The following PCDHGA8 variants were observed in gnomAD, a reference collection of about 807,000 sequenced individuals.
PCDHGA8 encodes protocadherin gamma subfamily A, 8, also known as protocadherin gamma-A8.
PCDHGA8 carries 45 observed loss-of-function variants against 59.2 expected under a neutral mutation model. That is an observed-to-expected ratio of 0.76 (90% CI 0.60 to 0.98). The LOEUF (loss-of-function observed/expected upper bound fraction) is 0.98. Among genes scored for constraint, PCDHGA8 ranks in the 50% least tolerant of loss-of-function variants. The pLI is 0.00. For synonymous variants in PCDHGA8, 531 were observed against 519.0 expected (o/e 1.02, Z -0.32); for missense variants, 1,257 against 1,196.2 (o/e 1.05, Z -0.75).
intron 1 of PCDHGA8, chr5:141,410,735 T>C: frequency 7.5e-7 from 1 of 1,336,188 alleles, no homozygotes; most frequent in Non-Finnish European, 1.0e-6. Context: ...CATAGCTTTT[T>C]ACAATATTTT....
chr5:141,421,357 T>A lies in PCDHGA8; in HGVS notation c.2424+26120T>A, dbSNP rs761522510. ...GGTGCCAGAAGAGACCGAAAAGGGC[T>A]CCTTCGTGGGCAATATCTCCAAGGA... On this transcript the variant is annotated intron_variant, in intron 1 of 3. Coordinates refer to ENST00000398604, the MANE Select transcript of PCDHGA8 (RefSeq NM_032088.2). 4.3e-6 allele frequency: 7 copies of A among 1,613,976 alleles called. 1 individual carries two copies. The South Asian group carries it at 7.7e-5, about 18-fold the overall frequency.
intron 1 of PCDHGA8, among the ~76,000 whole-genome samples, chr5:141,401,018 G>C (rs2094104038): frequency 6.6e-6 from 1 of 152,108 alleles, no homozygotes; most frequent in Admixed American, 6.5e-5. Flanking sequence ...ATGGATTTAT[G>C]ATTTTTTGAA....
At position 141,478,334 on chromosome 5, in the gene PCDHGA8, C is replaced by T. The variant is rs1303200872; in HGVS notation, c.2425-16473C>T. 2.5e-6 allele frequency: 4 copies of T among 1,613,944 alleles called. No individual in the cohort carries two copies. The highest frequency in any genetic ancestry group is 3.4e-6 in the Non-Finnish European group (4 of 1,180,016). ...GAGCTCACTGTACCGAACACCAGGG[C>T]CCTCCTTGCACGCGGACGCCGTGCG... On this transcript the variant is annotated intron_variant, in intron 1 of 3. Coordinates refer to ENST00000398604, the MANE Select transcript of PCDHGA8 (RefSeq NM_032088.2).
chr5:141,431,604 G>C lies in PCDHGA8; in HGVS notation c.2424+36367G>C. 1 of 1,614,206 alleles carries C rather than the reference G, an allele frequency of 6.2e-7. No individual in the cohort carries two copies. Among genetic ancestry groups the C allele is most frequent in the South Asian group, 1.1e-5 (1 of 91,088 alleles). On this transcript the variant is annotated intron_variant, in intron 1 of 3. Coordinates refer to ENST00000398604, the MANE Select transcript of PCDHGA8 (RefSeq NM_032088.2). The surrounding 1 kb of genome is among the most constrained non-coding windows in gnomAD (Gnocchi z 4.8). ...AATGCGGAAGTGAGGTATTCCTTCC[G>C]GTATGTGGACGACAAGGCGGCCCAA...
Position 141,423,542 on chromosome 5 carries a change from C to T in PCDHGA8, c.2424+28305C>T, listed in dbSNP as rs755766737. 4.3e-6 allele frequency: 7 copies of T among 1,613,616 alleles called. No individual in the cohort carries two copies. The African/African-American group carries it at 6.7e-5, about 15-fold the overall frequency. The stretch of plus-strand genomic sequence containing the variant: ...TCGCAGAAGAGTCACCTGATTTTCC[C>T]CCAGCCCAACTATGGGGACACGCTC... On this transcript the variant is annotated intron_variant, in intron 1 of 3. Transcript: ENST00000398604.
intron 2 of PCDHGA8, among the ~76,000 whole-genome samples, chr5:141,503,700 C>G (rs2099828974): frequency 6.6e-6 from 1 of 152,016 alleles, no homozygotes; most frequent in Non-Finnish European, 1.5e-5. Flanking sequence ...GAGATTCCTG[C>G]TTTCCCCTTC....
In PCDHGA8 at chr5:141,491,638, G is replaced by A. The variant is rs2099723160; in HGVS notation, c.2425-3169G>A. The A allele has an allele frequency of 6.2e-7, 1 of 1,613,898 alleles. No individual in the cohort carries two copies. The highest frequency in any genetic ancestry group is 1.3e-5 in the African/African-American group (1 of 75,074). ...ACCCCTCAGCGTTCAGCAGCCCACA[G>A]CTCTGGCGCTGGAGCCTGACGCCAT... On this transcript the variant is annotated intron_variant, in intron 1 of 3. Coordinates refer to ENST00000398604, the MANE Select transcript of PCDHGA8 (RefSeq NM_032088.2). The surrounding 1 kb of genome is among the most constrained non-coding windows in gnomAD (Gnocchi z 6.9).
intron 1 of PCDHGA8, chr5:141,440,723 T>C (rs2098196558): frequency 6.6e-6 from 1 of 152,178 alleles, no homozygotes; most frequent in Non-Finnish European, 1.5e-5. Flanking sequence ...GTTGATCCTG[T>C]GTTAGAGAAG....
chr5:141,465,532 C>T (rs1175698109), intron 1 of PCDHGA8, among the ~76,000 whole-genome samples: 1 of 152,138 alleles, frequency 6.6e-6, no homozygotes, highest in Non-Finnish European at 1.5e-5. Flanking sequence ...GGAAGTTTTC[C>T]CAGGCATTTT....
intron 1 of PCDHGA8, among the ~76,000 whole-genome samples, chr5:141,446,664 G>A (rs116573282): frequency 0.012 from 1,821 of 152,192 alleles, 38 homozygotes; most frequent in African/African-American, 0.042. Context: ...TTTAGTACAA[G>A]ACAGCATTTC....
intron 1 of PCDHGA8, among the ~76,000 whole-genome samples, chr5:141,463,205 A>T (rs2099054933): frequency 6.6e-6 from 1 of 152,080 alleles, no homozygotes; most frequent in Non-Finnish European, 1.5e-5. Context: ...AGACTTGGGG[A>T]TCCATATTAA....
rs148995268 is a variant in PCDHGA8, at chr5:141,486,253, C to T, written c.2425-8554C>T. On this transcript the variant is annotated intron_variant, in intron 1 of 3. Coordinates refer to ENST00000398604, the MANE Select transcript of PCDHGA8 (RefSeq NM_032088.2). The surrounding 1 kb of genome is among the most constrained non-coding windows in gnomAD (Gnocchi z 5.0). The stretch of plus-strand genomic sequence containing the variant: ...TGACCTCAGAGCTTGGAACCCTCCC[C>T]GAGAGTGCAGAACCTGGCACTGTGG... 8 of 1,614,020 alleles carry T rather than the reference C, an allele frequency of 5.0e-6. No individual in the cohort carries two copies. The African/African-American group carries it at 8.0e-5, about 16-fold the overall frequency.
At position 141,491,093 on chromosome 5, in the gene PCDHGA8, T is replaced by G; in HGVS notation, c.2425-3714T>G. The G allele has an allele frequency of 6.2e-7, 1 of 1,614,160 alleles. No individual in the cohort carries two copies. The highest frequency in any genetic ancestry group is 8.5e-7 in the Non-Finnish European group (1 of 1,180,008). On this transcript the variant is annotated intron_variant, in intron 1 of 3. Transcript: ENST00000398604. This position sits in a 1 kb window ranked among gnomAD's most constrained non-coding sequence, Gnocchi z 6.9. ...TTGCCACAGTCCACAGCCCCAGGAC[T>G]GTTCCTCGTGTCTACACACACTGGT... is the stretch of plus-strand genomic sequence containing the variant.
chr5:141,491,869 G>C lies in PCDHGA8; in HGVS notation c.2425-2938G>C. On this transcript the variant is annotated intron_variant, in intron 1 of 3. Transcript: ENST00000398604. This position sits in a 1 kb window ranked among gnomAD's most constrained non-coding sequence, Gnocchi z 6.9. ...GGACCGTTTGCGCGAAACCAGAGTG[G>C]CCGATTAAGGGATGGGGCTCCGAGC... The C allele has an allele frequency of 6.9e-7, 1 of 1,453,094 alleles. No homozygotes were observed. Among genetic ancestry groups the C allele is most frequent in the South Asian group, 1.5e-5 (1 of 68,080 alleles). 90.0% of individuals were successfully genotyped at this position (1,453,094 alleles called of 1,614,324 possible).
At chr5:141,441,615 G>A in intron 1 of PCDHGA8, 1 of 219,248 alleles carries the variant, frequency 4.6e-6, no homozygotes, top group Non-Finnish European at 9.2e-6. Context: ...TTCCATCGTG[G>A]CCAGTGACCT....
At chr5:141,440,165 A>G (rs935524872) in intron 1 of PCDHGA8, 2 of 152,300 alleles carry the variant, frequency 1.3e-5, no homozygotes, top group African/African-American at 4.8e-5. Flanking sequence ...AGCTTGGGCC[A>G]TAACGCTTTG....
At chr5:141,483,761 GA>G (rs1376816525) in intron 1 of PCDHGA8, among the ~76,000 whole-genome samples, 1 of 152,118 alleles carries the variant, frequency 6.6e-6, no homozygotes, top group African/African-American at 2.4e-5. Flanking sequence ...TCGAGGCTTG[GA>G]AAAATATTGG....
rs13436436 is a variant in PCDHGA8 at position 141,494,301 on chromosome 5, G to C, written c.2425-506G>C. Among the ~76,000 whole-genome samples, 1,119 of 152,302 alleles carry C rather than the reference G, an allele frequency of 7.3e-3. 11 individuals carry two copies. The highest frequency in any genetic ancestry group is 0.026 in the African/African-American group (1,077 of 41,560). Reference sequence around the variant, plus strand: ...CCAGAGAAGATGTCCCTGTGAATGTGTCACTGCACAACCTGGCACCAAAAG... The same window carrying C: ...CCAGAGAAGATGTCCCTGTGAATGTCTCACTGCACAACCTGGCACCAAAAG... On this transcript the variant is annotated intron_variant, in intron 1 of 3. Coordinates refer to ENST00000398604, the MANE Select transcript of PCDHGA8 (RefSeq NM_032088.2).
chr5:141,477,063 A>G lies in PCDHGA8; in HGVS notation c.2425-17744A>G, dbSNP rs2099404387. 6.2e-7 allele frequency: 1 copy of G among 1,614,248 alleles called. No individual in the cohort carries two copies. On this transcript the variant is annotated intron_variant, in intron 1 of 3. Coordinates refer to ENST00000398604, the MANE Select transcript of PCDHGA8 (RefSeq NM_032088.2). The surrounding 1 kb of genome is among the most constrained non-coding windows in gnomAD (Gnocchi z 4.9). Reference sequence around the variant, plus strand: ...GGTCGGCTGGACTTCGAGGACACCAAACTCCATGAGATTTACATCCAGGCC... The same window carrying G: ...GGTCGGCTGGACTTCGAGGACACCAGACTCCATGAGATTTACATCCAGGCC...
Sources: allele counts gnomAD v4.1 joint callset (sites outside exome capture counted in the v4.1 genomes callset), GRCh38; gene constraint gnomAD v4.1.1; non-coding constraint Gnocchi (gnomAD v3.1); transcripts MANE v1.5; gene names NCBI Gene and HGNC (gene_info 2026-07-23, HGNC 2026-07-21).